Variants in ITGBL1 observed in about 807,000 individuals in gnomAD.
ITGBL1 encodes the protein integrin beta-like protein 1.
ITGBL1 carries 51 observed loss-of-function variants against 68.5 expected under a neutral mutation model. That is an observed-to-expected ratio of 0.74 (90% CI 0.59 to 0.94). The LOEUF (loss-of-function observed/expected upper bound fraction) is 0.94, where lower values mean the gene tolerates loss of function less well. Among genes scored for constraint, ITGBL1 ranks in the 40% least tolerant of loss-of-function variants. The pLI, the probability that ITGBL1 is intolerant of heterozygous loss-of-function variation, is 0.00. For missense variants in ITGBL1, 649 were observed against 647.4 expected, an observed-to-expected ratio of 1.00 and a Z score of -0.03; for synonymous variants, 209 against 227.3, an observed-to-expected ratio of 0.92 and a Z score of 0.72.
At chr13:101,676,177 G>C (rs1223461587) in intron 7 of ITGBL1, among the ~76,000 whole-genome samples, 2 of 151,700 alleles carry the variant, frequency 1.3e-5, no homozygotes, top group African/African-American at 4.8e-5. Flanking sequence ...AATCTGTCCT[G>C]TCTCTTGACA....
chr13:101,629,491 C>T (rs954364541), intron 7 of ITGBL1, among the ~76,000 whole-genome samples: 3 of 151,874 alleles, frequency 2.0e-5, no homozygotes, highest in Non-Finnish European at 4.4e-5. Context: ...ATTTTAAAAA[C>T]ATTGTCAGTA....
At chr13:101,606,091 A>G (rs1165281869) in intron 7 of ITGBL1, among the ~76,000 whole-genome samples, 12 of 135,348 alleles carry the variant, frequency 8.9e-5, no homozygotes, top group Non-Finnish European at 1.6e-4. Context: ...TGCTATATAT[A>G]TATATATGCT....
At chr13:101,456,564 T>C (rs1193150028) in intron 2 of ITGBL1, among the ~76,000 whole-genome samples, 1 of 152,208 alleles carries the variant, frequency 6.6e-6, no homozygotes, top group Non-Finnish European at 1.5e-5. Flanking sequence ...CCTCTCCAAC[T>C]TCTAAGAAGA....
At chr13:101,643,145 T>G (rs551373348) in intron 7 of ITGBL1, among the ~76,000 whole-genome samples, 130 of 152,022 alleles carry the variant, frequency 8.6e-4, no homozygotes, top group Admixed American at 3.1e-3. Flanking sequence ...ATCTATAAAT[T>G]ACCTTGGGCA....
intron 2 of ITGBL1, among the ~76,000 whole-genome samples, chr13:101,501,063 C>G (rs1013708347): frequency 6.6e-6 from 1 of 152,158 alleles, no homozygotes; most frequent in Admixed American, 6.5e-5. Flanking sequence ...CTGATTACTA[C>G]TGTGTGTCTC....
Position 101,598,189 on chromosome 13 carries a change from A to T in ITGBL1, c.905A>T (p.Lys302Ile). 1 of 1,613,642 alleles carries T rather than the reference A, an allele frequency of 6.2e-7. No individual in the cohort carries two copies. Among genetic ancestry groups the T allele is most frequent in the Non-Finnish European group, 8.5e-7 (1 of 1,179,800 alleles). Residue 302 changes from lysine (K) to isoleucine (I), a missense_variant, in exon 7 of 11, where the codon AAA (lysine) becomes ATA (isoleucine). By Grantham distance (102) the Lys-to-Ile change is moderately radical (BLOSUM62 -3). Coordinates refer to ENST00000376180, the MANE Select transcript of ITGBL1 (RefSeq NM_004791.3). ...TGTAATTGCGGAAGATGTGACTGCA[A>T]AGCAGGCTGGTATGGGAAGAAGTGT... The part of the protein sequence containing the change: ...GQCNCGRCDC[K>I]AGWYGKKCEH...
At chr13:101,650,964 C>T (rs2032731107) in intron 7 of ITGBL1, among the ~76,000 whole-genome samples, 1 of 152,158 alleles carries the variant, frequency 6.6e-6, no homozygotes, top group African/African-American at 2.4e-5. Flanking sequence ...ATCCATGTCC[C>T]TGCAAAGGAC....
At chr13:101,605,646 A>T (rs2030764253) in intron 7 of ITGBL1, among the ~76,000 whole-genome samples, 1 of 150,532 alleles carries the variant, frequency 6.6e-6, no homozygotes, top group Non-Finnish European at 1.5e-5. Context: ...GTATGTGTGT[A>T]TGCGTATGCA....
intron 8 of ITGBL1, among the ~76,000 whole-genome samples, chr13:101,703,586 G>C (rs2034185237): frequency 6.6e-6 from 1 of 152,180 alleles, no homozygotes; most frequent in Admixed American, 6.5e-5. Context: ...GACATGACAG[G>C]AAGTTTTTTC....
intron 8 of ITGBL1, 103 bp from the exon 9 acceptor site, chr13:101,706,653 T>A (rs2034269816): frequency 8.5e-7 from 1 of 1,172,846 alleles, no homozygotes; most frequent in African/African-American, 1.5e-5. Context: ...ATGTGTTGGA[T>A]GGGAAATGAG....
At chr13:101,697,696 T>C (rs2034035150) in intron 8 of ITGBL1, among the ~76,000 whole-genome samples, 1 of 152,216 alleles carries the variant, frequency 6.6e-6, no homozygotes. Context: ...TACCTTGGTT[T>C]ACTCCTATAT....
chr13:101,546,904 A>T (rs1333745376), intron 2 of ITGBL1, among the ~76,000 whole-genome samples: 1 of 152,090 alleles, frequency 6.6e-6, no homozygotes, highest in Non-Finnish European at 1.5e-5. Flanking sequence ...TCAAAGTAGC[A>T]TAGCAATGTG....
In ITGBL1 at chr13:101,655,398, T is replaced by G. The variant is rs1320224283; in HGVS notation, c.1016-37187T>G. 1.4e-4 allele frequency among the ~76,000 whole-genome samples: 3 copies of G among 20,850 alleles called. No individual in the cohort carries two copies. In the Admixed American group the frequency reaches 2.3e-3, roughly 16 times the overall value. 13.7% of individuals were successfully genotyped at this position (20,850 alleles called of 152,430 possible). On this transcript the variant is annotated intron_variant, in intron 7 of 10. Transcript: ENST00000376180. ...ATAGACAAGAAAAATTTAGTCAAAT[T>G]TATGCATTAATTATCTTCAGAAAAT...
At chr13:101,563,302 GA>G (rs1240028442) in intron 2 of ITGBL1, among the ~76,000 whole-genome samples, 3 of 150,460 alleles carry the variant, frequency 2.0e-5, no homozygotes, top group Non-Finnish European at 4.5e-5. Flanking sequence ...AAAGATTAGA[GA>G]AAAAAATAGT....
chr13:101,567,112 A>G (rs2050194014), intron 2 of ITGBL1, among the ~76,000 whole-genome samples: 1 of 152,200 alleles, frequency 6.6e-6, no homozygotes, highest in South Asian at 2.1e-4. Flanking sequence ...TTAAAGCAAA[A>G]TGACTATTGA....
intron 2 of ITGBL1, among the ~76,000 whole-genome samples, chr13:101,531,686 A>AT (rs200660490): frequency 5.7e-5 from 8 of 139,740 alleles, no homozygotes; most frequent in East Asian, 2.1e-4. Context: ...TGAAGGTTTT[A>AT]TTTTTTTTAT....
intron 2 of ITGBL1, among the ~76,000 whole-genome samples, chr13:101,543,095 T>C (rs2049742323): frequency 6.6e-6 from 1 of 152,222 alleles, no homozygotes; most frequent in African/African-American, 2.4e-5. Flanking sequence ...TTTGATCCTG[T>C]CATTATGATT....
chr13:101,611,719 T>C (rs2031137556), intron 7 of ITGBL1, among the ~76,000 whole-genome samples: 1 of 152,074 alleles, frequency 6.6e-6, no homozygotes, highest in Non-Finnish European at 1.5e-5. Context: ...GACCTTGAAC[T>C]TAGCTCCATA....
intron 2 of ITGBL1, among the ~76,000 whole-genome samples, chr13:101,520,476 A>G (rs2049267498): frequency 6.6e-6 from 1 of 152,194 alleles, no homozygotes; most frequent in South Asian, 2.1e-4. Flanking sequence ...GGGAATAAAA[A>G]TTGAAGAAGT....
Sources: allele counts gnomAD v4.1 joint callset (sites outside exome capture counted in the v4.1 genomes callset), GRCh38; gene constraint gnomAD v4.1.1; transcripts MANE v1.5; gene names NCBI Gene and HGNC (gene_info 2026-07-23, HGNC 2026-07-21).